The following GFRA1 variants were observed in gnomAD, a reference collection of about 807,000 sequenced individuals.
GFRA1 encodes the protein GDNF family receptor alpha 1.
GFRA1 carries 16 observed loss-of-function variants against 51.6 expected under a neutral mutation model. The ratio of observed to expected loss-of-function variants is 0.31; its 90% confidence interval spans 0.21 to 0.47. The LOEUF (loss-of-function observed/expected upper bound fraction) is 0.47. GFRA1 is among the 20% of genes least tolerant of loss of function. The pLI, the probability that GFRA1 is intolerant of heterozygous loss-of-function variation, is 1.00. For missense variants in GFRA1, 530 were observed against 594.3 expected (o/e 0.89, Z 1.13); for synonymous variants, 270 against 241.3 (o/e 1.12, Z -1.10).
intron 4 of GFRA1, among the ~76,000 whole-genome samples, chr10:116,249,016 G>A (rs757673585): frequency 9.2e-5 from 14 of 152,094 alleles, no homozygotes; most frequent in African/African-American, 2.2e-4. Flanking sequence ...TGACATGTCC[G>A]GTCTCATCTC....
At chr10:116,102,909 G>A (rs1446695102) in intron 6 of GFRA1, among the ~76,000 whole-genome samples, 3 of 152,278 alleles carry the variant, frequency 2.0e-5, no homozygotes, top group African/African-American at 7.2e-5. Flanking sequence ...TCGCTGGAGT[G>A]TTTCTCTAAA....
At chr10:116,225,986 T>C in intron 4 of GFRA1, among the ~76,000 whole-genome samples, 1 of 152,212 alleles carries the variant, frequency 6.6e-6, no homozygotes, top group East Asian at 1.9e-4. Context: ...TGGCTCATAT[T>C]ATGTTTCTAT....
intron 4 of GFRA1, among the ~76,000 whole-genome samples, chr10:116,216,946 C>T (rs1275612797): frequency 1.3e-5 from 2 of 152,194 alleles, no homozygotes; most frequent in African/African-American, 4.8e-5. Context: ...GTTAAAAAAC[C>T]AGCAAGCTCT....
rs1315414350 is a variant in GFRA1 at position 116,061,226 on chromosome 10, A to G, written c.*3172T>C. 3 of 149,084 alleles carry G rather than the reference A, an allele frequency of 2.0e-5. No individual in the cohort carries two copies. Among genetic ancestry groups the G allele is most frequent in the Admixed American group, 6.7e-5 (1 of 14,948 alleles). The allele number at this position is 149,084 out of a possible 1,614,324, so 9.2% of individuals were successfully genotyped here. A position where few individuals can be genotyped will look rare whatever the true frequency, so the allele number is the denominator to read the frequency against. On this transcript the variant is annotated 3_prime_UTR_variant, in exon 11 of 11. Coordinates refer to ENST00000355422, the MANE Select transcript of GFRA1 (RefSeq NM_005264.8). ...AAGACACAACTTCTAAGACATTCTT[A>G]CTACAGCACAAAAGTCTGTTAAAAA...
At chr10:116,139,577 T>C (rs187528132) in intron 5 of GFRA1, among the ~76,000 whole-genome samples, 1 of 152,326 alleles carries the variant, frequency 6.6e-6, no homozygotes, top group African/African-American at 2.4e-5. Context: ...TCCCTCCGCT[T>C]TGTGCCTGGA....
chr10:116,183,845 G>C (rs187156596), intron 5 of GFRA1, among the ~76,000 whole-genome samples: 8 of 152,296 alleles, frequency 5.3e-5, no homozygotes, highest in African/African-American at 1.7e-4. Flanking sequence ...GAGAGTGTTT[G>C]GTCCCTCTCA....
intron 5 of GFRA1, among the ~76,000 whole-genome samples, chr10:116,191,584 G>A (rs750571266): frequency 7.2e-5 from 11 of 152,132 alleles, no homozygotes; most frequent in Non-Finnish European, 1.6e-4. Flanking sequence ...GAAAAAAAAA[G>A]CACAAGCTTT....
chr10:116,165,870 T>A (rs903366240), intron 5 of GFRA1, among the ~76,000 whole-genome samples: 1 of 152,190 alleles, frequency 6.6e-6, no homozygotes, highest in Non-Finnish European at 1.5e-5. Context: ...TCATGGGGTT[T>A]GCTGTACAGA....
intron 4 of GFRA1, among the ~76,000 whole-genome samples, chr10:116,253,725 A>C (rs1968580717): frequency 6.6e-6 from 1 of 151,988 alleles, no homozygotes; most frequent in South Asian, 2.1e-4. Context: ...AAAGCATGTA[A>C]TTTTTTTTCT....
chr10:116,232,603 A>T (rs1289668986), intron 4 of GFRA1, among the ~76,000 whole-genome samples: 1 of 152,248 alleles, frequency 6.6e-6, no homozygotes, highest in Non-Finnish European at 1.5e-5. Context: ...GGAGTAATTA[A>T]ACACCACATT....
At chr10:116,125,967 C>G (rs1308315734) in intron 5 of GFRA1, among the ~76,000 whole-genome samples, 3 of 152,180 alleles carry the variant, frequency 2.0e-5, no homozygotes. Flanking sequence ...CCATACAATC[C>G]TCCAAGAATG....
chr10:116,061,857 C>CT lies in GFRA1; in HGVS notation c.*2540dup, dbSNP rs1223940741. 1.8e-4 allele frequency: 72 copies of CT among 397,264 alleles called. No individual in the cohort carries two copies. Among genetic ancestry groups the CT allele is most frequent in the African/African-American group, 1.3e-3 (64 of 48,738 alleles). The allele number at this position is 397,264 out of a possible 1,614,324, so 24.6% of individuals were successfully genotyped here. On this transcript the variant is annotated 3_prime_UTR_variant, in exon 11 of 11. Coordinates refer to ENST00000355422, the MANE Select transcript of GFRA1 (RefSeq NM_005264.8). ...GGTGTTTTAGGGTCACCGTGTCAAA[C>CT]TAAGATCACACTGAATGGCGGAAAC...
At chr10:116,269,405 C>T (rs1328514903) in intron 4 of GFRA1, 98 bp downstream of exon 4, 7 of 775,146 alleles carry the variant, frequency 9.0e-6, no homozygotes, top group Non-Finnish European at 1.7e-5. Context: ...CTGTGCCATT[C>T]AACTATCTAC....
At chr10:116,254,301 A>C (rs1406841692) in intron 4 of GFRA1, among the ~76,000 whole-genome samples, 4 of 145,198 alleles carry the variant, frequency 2.8e-5, no homozygotes, top group African/African-American at 1.0e-4. Flanking sequence ...CAGCCTGAGC[A>C]ACAAAGAGAG....
intron 6 of GFRA1, among the ~76,000 whole-genome samples, chr10:116,124,167 A>G (rs1957757228): frequency 6.6e-6 from 1 of 151,654 alleles, no homozygotes; most frequent in Non-Finnish European, 1.5e-5. Context: ...AGCCTCCCAA[A>G]GCGTTGGGAT....
At chr10:116,243,435 C>T (rs893039539) in intron 4 of GFRA1, among the ~76,000 whole-genome samples, 2 of 151,910 alleles carry the variant, frequency 1.3e-5, no homozygotes, top group Non-Finnish European at 2.9e-5. Flanking sequence ...TTCTTCTGGT[C>T]AGTATGGTAA....
chr10:116,246,388 G>A (rs566665109), intron 4 of GFRA1, among the ~76,000 whole-genome samples: 2 of 152,188 alleles, frequency 1.3e-5, no homozygotes, highest in African/African-American at 2.4e-5. Context: ...ACGAGGTTGC[G>A]CCATTGCACT....
At chr10:116,117,127 C>G (rs1957441864) in intron 6 of GFRA1, among the ~76,000 whole-genome samples, 1 of 152,228 alleles carries the variant, frequency 6.6e-6, no homozygotes, top group South Asian at 2.1e-4. Context: ...GGCCACTCCA[C>G]TGATCATCCC....
chr10:116,166,375 C>T (rs142832465), intron 5 of GFRA1, among the ~76,000 whole-genome samples: 1 of 152,304 alleles, frequency 6.6e-6, no homozygotes, highest in African/African-American at 2.4e-5. Flanking sequence ...AGTCACCGCA[C>T]TGTCTTCCAC....
Sources: gnomAD v4.1 joint callset for allele counts (sites outside exome capture counted in the v4.1 genomes callset) on GRCh38, gnomAD v4.1.1 for gene constraint, MANE v1.5 for transcripts, NCBI Gene and HGNC (gene_info 2026-07-23, HGNC 2026-07-21) for gene names.